Variants in ULK4 observed in about 807,000 individuals in gnomAD.
ULK4 encodes the protein unc-51 like kinase 4, also known as inactive serine/threonine-protein kinase ULK4.
Under a neutral mutation model 160.6 loss-of-function variants are expected in ULK4, and 133 were observed. The ratio of observed to expected loss-of-function variants is 0.83; its 90% CI spans 0.72 to 0.96. ULK4 has a LOEUF of 0.96. Ranked by LOEUF, ULK4 falls within the 40% of genes least tolerant of loss-of-function variation. The probability of loss-of-function intolerance (pLI) is 0.00; values close to 1 mark genes in which losing one functional copy is unlikely to be tolerated. For missense variants in ULK4, 1,580 were observed against 1,499.5 expected (o/e 1.05, Z -0.89); for synonymous variants, 534 against 539.8 (o/e 0.99, Z 0.15).
Position 41,800,216 on chromosome 3 carries a change from G to C in ULK4, c.1926C>G (p.Gly642=). The C allele has an allele frequency of 6.2e-7, 1 of 1,613,776 alleles. No homozygotes were observed. Among genetic ancestry groups the C allele is most frequent in the Admixed American group, 1.7e-5 (1 of 59,950 alleles). The change falls in exon 20 of 37, where the codon GGC becomes GGG. Residue 642 remains glycine, a synonymous_variant. Transcript: ENST00000301831. Reference sequence around the variant, plus strand: ...TGGGTCCTATTTCTCCTGTAATAAAGCCCTGGGACTGAGCAGAAAAGGTGG... The same window carrying C: ...TGGGTCCTATTTCTCCTGTAATAAACCCCTGGGACTGAGCAGAAAAGGTGG... The part of the protein sequence containing the change: ...VCTTFSAQSQ[G]FITGEIGPIL...
intron 35 of ULK4, among the ~76,000 whole-genome samples, chr3:41,310,946 T>C (rs551167393): frequency 6.6e-6 from 1 of 151,952 alleles, no homozygotes; most frequent in South Asian, 2.1e-4. Flanking sequence ...TGAGCTGTGA[T>C]CATGCCACTG....
At chr3:41,357,425 C>T (rs988336392) in intron 35 of ULK4, among the ~76,000 whole-genome samples, 17 of 152,042 alleles carry the variant, frequency 1.1e-4, no homozygotes, top group East Asian at 3.9e-4. Flanking sequence ...CCGGAGTGCT[C>T]GGCTGGCAGG....
intron 32 of ULK4, among the ~76,000 whole-genome samples, chr3:41,538,543 T>C (rs138739739): frequency 6.6e-6 from 1 of 152,252 alleles, no homozygotes; most frequent in East Asian, 1.9e-4. Flanking sequence ...AGGGTGCTAT[T>C]TAAGGTTTAC....
At chr3:41,686,423 C>G (rs754832672) in intron 27 of ULK4, among the ~76,000 whole-genome samples, 14 of 151,986 alleles carry the variant, frequency 9.2e-5, no homozygotes, top group Middle Eastern at 3.2e-3. Flanking sequence ...CAAATAGTTA[C>G]GAAGAGTTAG....
chr3:41,302,967 T>C (rs964782613), intron 35 of ULK4, among the ~76,000 whole-genome samples: 3 of 152,180 alleles, frequency 2.0e-5, no homozygotes, highest in East Asian at 1.9e-4. Flanking sequence ...TTCTAAAATA[T>C]AGAATATACT....
At chr3:41,472,564 CA>C (rs571469831) in intron 32 of ULK4, among the ~76,000 whole-genome samples, 1 of 104,434 alleles carries the variant, frequency 9.6e-6, no homozygotes, top group African/African-American at 3.6e-5. Flanking sequence ...GTGGGACTGT[CA>C]AAAAAAAGAA....
At chr3:41,794,660 C>CAAAAAAAAAAAAAAAAAAAAAAAAAAA (rs71075484) in intron 20 of ULK4, among the ~76,000 whole-genome samples, 11 of 18,990 alleles carry the variant, frequency 5.8e-4, no homozygotes, top group East Asian at 2.6e-3. Flanking sequence ...GACTCTGTCT[C>CAAAAAAAAAAAAAAAAAAAAAAAAAAA]AAAAAAAAAA....
intron 32 of ULK4, among the ~76,000 whole-genome samples, chr3:41,470,215 T>C (rs1326073808): frequency 2.0e-5 from 3 of 151,980 alleles, no homozygotes; most frequent in Non-Finnish European, 4.4e-5. Flanking sequence ...GAAAATATGC[T>C]AATATGCTGA....
At chr3:41,736,110 G>C (rs568021289) in intron 22 of ULK4, among the ~76,000 whole-genome samples, 7 of 151,308 alleles carry the variant, frequency 4.6e-5, no homozygotes, top group Non-Finnish European at 1.0e-4. Context: ...ATTTGGGTTG[G>C]TTTCAAGTCT....
chr3:41,914,563 A>C (rs1487881138), intron 8 of ULK4, among the ~76,000 whole-genome samples: 1 of 152,230 alleles, frequency 6.6e-6, no homozygotes, highest in Non-Finnish European at 1.5e-5. Context: ...ATTTTGAGAA[A>C]TTCACATCAA....
intron 22 of ULK4, among the ~76,000 whole-genome samples, chr3:41,720,959 AAGTATT>A (rs2037432999): frequency 6.6e-6 from 1 of 152,172 alleles, no homozygotes. Context: ...TTGGGGTAGG[AAGTATT>A]TAGCAAAAGG....
Position 41,530,444 on chromosome 3 carries a change from C to T in ULK4, c.3226+35581G>A, listed in dbSNP as rs912036743. 7.9e-5 allele frequency among the ~76,000 whole-genome samples: 12 copies of T among 152,164 alleles called. No individual in the cohort carries two copies. The East Asian group carries it at 2.3e-3, about 29-fold the overall frequency. ...AAAATGATTATTTTGGTGGTATTGA[C>T]TATGGACATTGAGTGCATTTAAGGA... On this transcript the variant is annotated intron_variant, in intron 32 of 36. Transcript: ENST00000301831.
chr3:41,831,192 T>A lies in ULK4; in HGVS notation c.1764+4672A>T, dbSNP rs2041569935. On this transcript the variant is annotated intron_variant, in intron 18 of 36. Transcript: ENST00000301831. ...ACAGGTGCACACCACTACACACAGCTAATTTTTGCAAGTTTTTTAGACGAG... is the reference window on the plus strand; with the variant it reads ...ACAGGTGCACACCACTACACACAGCAAATTTTTGCAAGTTTTTTAGACGAG... Among the ~76,000 whole-genome samples, 4 of 152,008 alleles carry A rather than the reference T, an allele frequency of 2.6e-5. No homozygotes were observed. In the South Asian group the frequency reaches 8.3e-4, roughly 32 times the overall value.
At chr3:41,549,278 C>T (rs572574190) in intron 32 of ULK4, among the ~76,000 whole-genome samples, 58 of 118,486 alleles carry the variant, frequency 4.9e-4, no homozygotes, top group South Asian at 2.7e-3. Flanking sequence ...TAAGACAATA[C>T]AAATGAACAA....
intron 22 of ULK4, among the ~76,000 whole-genome samples, chr3:41,748,165 C>CAT (rs1394210691): frequency 6.6e-6 from 1 of 150,898 alleles, no homozygotes; most frequent in African/African-American, 2.4e-5. Flanking sequence ...TATATACACA[C>CAT]ACACATACAC....
In ULK4 at chr3:41,266,331, A is replaced by G. The variant is rs1048225510; in HGVS notation, c.3679-16757T>C. 3.9e-5 allele frequency among the ~76,000 whole-genome samples: 6 copies of G among 152,326 alleles called. No individual in the cohort carries two copies. In the East Asian group the frequency reaches 1.2e-3, roughly 29 times the overall value. ...AACAGGACAGCAGAGCTATGGTCCA[A>G]CTGAATCTCTAATGGGTGAAGCTGA... On this transcript the variant is annotated intron_variant, in intron 35 of 36. Transcript: ENST00000301831.
intron 32 of ULK4, among the ~76,000 whole-genome samples, chr3:41,543,255 T>C (rs184808617): frequency 8.7e-4 from 133 of 152,250 alleles, no homozygotes; most frequent in African/African-American, 3.1e-3. Context: ...AGATGATTTG[T>C]GTCCTCAGTT....
intron 21 of ULK4, among the ~76,000 whole-genome samples, chr3:41,761,382 GATTT>G (rs749399177): frequency 9.5e-5 from 14 of 147,566 alleles, no homozygotes; most frequent in Middle Eastern, 3.6e-3. Context: ...ACATATATTA[GATTT>G]ATTATACATG....
intron 31 of ULK4, among the ~76,000 whole-genome samples, chr3:41,609,381 C>T (rs897088404): frequency 6.6e-6 from 1 of 152,040 alleles, no homozygotes; most frequent in African/African-American, 2.4e-5. Context: ...TGTACCCGAG[C>T]CCAAGAAAGT....
Sources: gnomAD v4.1 joint callset for allele counts (sites outside exome capture counted in the v4.1 genomes callset) on GRCh38, gnomAD v4.1.1 for gene constraint, MANE v1.5 for transcripts, NCBI Gene and HGNC (gene_info 2026-07-23, HGNC 2026-07-21) for gene names.